DDX46: variants seen among roughly 807,000 people sequenced by gnomAD.
DDX46 encodes the protein DEAD-box helicase 46.
Under a neutral mutation model 134.9 loss-of-function variants are expected in DDX46, and 30 were observed. The observed-to-expected ratio is 0.22, with a 90% CI of 0.17 to 0.30. The LOEUF (loss-of-function observed/expected upper bound fraction) is 0.30, where lower values mean the gene tolerates loss of function less well. DDX46 is among the 10% of genes least tolerant of loss of function. The pLI is 1.00. For synonymous variants in DDX46, 415 were observed against 404.1 expected, an observed-to-expected ratio of 1.03 and a Z score of -0.32; for missense variants, 622 against 1,248.7, an observed-to-expected ratio of 0.50 and a Z score of 7.56.
At chr5:134,789,379 A>T (rs1198569118) in intron 12 of DDX46, 1 of 152,224 alleles carries the variant, frequency 6.6e-6, no homozygotes, top group Non-Finnish European at 1.5e-5. Context: ...TTTTTTGAAG[A>T]AAATGCTCTC....
rs1015156258 is a variant in DDX46, at chr5:134,813,867, C to T, written c.2436+2022C>T. Reference sequence around the variant, plus strand: ...CTGAAATTCCTGGGCTCAAGTGATCCTCCTGCCTCAGCCTCCCAAAGTGAT... The same window carrying T: ...CTGAAATTCCTGGGCTCAAGTGATCTTCCTGCCTCAGCCTCCCAAAGTGAT... On this transcript the variant is annotated intron_variant, in intron 18 of 22. Transcript: ENST00000452510. 3.9e-5 allele frequency among the ~76,000 whole-genome samples: 6 copies of T among 152,048 alleles called. 1 individual carries two copies. The highest frequency in any genetic ancestry group is 6.6e-5 in the Admixed American group (1 of 15,254).
chr5:134,764,200 C>T (rs1468856205), intron 2 of DDX46, 108 bp downstream of exon 2: 4 of 1,084,742 alleles, frequency 3.7e-6, no homozygotes, highest in African/African-American at 3.2e-5. Flanking sequence ...GGCCCAATTG[C>T]AGGCCCTTTT....
At chr5:134,808,320 C>G (rs1755048512) in intron 16 of DDX46, among the ~76,000 whole-genome samples, 1 of 152,170 alleles carries the variant, frequency 6.6e-6, no homozygotes. Context: ...AGTAGCCTAG[C>G]CTACCTTTAG....
intron 3 of DDX46, among the ~76,000 whole-genome samples, chr5:134,767,341 T>C (rs562575239): frequency 1.6e-4 from 24 of 152,208 alleles, no homozygotes; most frequent in African/African-American, 5.8e-4. Context: ...TTGTAGAAAC[T>C]CTGTCATTTT....
intron 1 of DDX46, among the ~76,000 whole-genome samples, chr5:134,761,349 G>A (rs1043484870): frequency 1.3e-5 from 2 of 152,026 alleles, no homozygotes; most frequent in East Asian, 1.9e-4. Context: ...TTATTGTATC[G>A]AATGAGAGCA....
intron 15 of DDX46, among the ~76,000 whole-genome samples, chr5:134,800,530 C>T (rs1013899956): frequency 3.3e-5 from 5 of 152,070 alleles, no homozygotes; most frequent in East Asian, 1.9e-4. Flanking sequence ...AGCCACATCC[C>T]GCAGAATATA....
chr5:134,804,748 T>C, intron 15 of DDX46: 1 of 279,964 alleles, frequency 3.6e-6, no homozygotes, highest in South Asian at 3.5e-5. Flanking sequence ...TTTAGTCTTT[T>C]AATTTTTATT....
At chr5:134,762,853 G>A (rs999427979) in intron 1 of DDX46, among the ~76,000 whole-genome samples, 1 of 152,078 alleles carries the variant, frequency 6.6e-6, no homozygotes, top group African/African-American at 2.4e-5. Flanking sequence ...TCAGGAGATC[G>A]AGACCATCCT....
chr5:134,816,611 G>A lies in DDX46; in HGVS notation c.2613+5G>A. ...TTGGGCATCGAGTCTCAGGTATTAA[G>A]TAATTTGTTCCAAGTCTCAGTCAAT... On this transcript the variant is annotated splice_donor_5th_base_variant and intron_variant, in intron 19 of 22. Coordinates refer to ENST00000452510, the MANE Select transcript of DDX46 (RefSeq NM_001300860.2). The A allele has an allele frequency of 6.2e-7, 1 of 1,610,868 alleles. No individual in the cohort carries two copies. The highest frequency in any genetic ancestry group is 8.5e-7 in the Non-Finnish European group (1 of 1,179,460).
intron 5 of DDX46, among the ~76,000 whole-genome samples, chr5:134,774,400 A>T (rs960884216): frequency 6.6e-6 from 1 of 152,272 alleles, no homozygotes; most frequent in African/African-American, 2.4e-5. Context: ...TGTTATCGTG[A>T]GTAATGCTCC....
chr5:134,778,251 C>T (rs1329038307), intron 6 of DDX46, among the ~76,000 whole-genome samples: 1 of 152,068 alleles, frequency 6.6e-6, no homozygotes, highest in Non-Finnish European at 1.5e-5. Context: ...TTCCTGGCCT[C>T]AAGTGAACCA....
At chr5:134,825,132 T>A (rs1161017570) in intron 21 of DDX46, among the ~76,000 whole-genome samples, 1 of 152,202 alleles carries the variant, frequency 6.6e-6, no homozygotes, top group Non-Finnish European at 1.5e-5. Context: ...AAAATTGATT[T>A]TCCAGTTAAA....
intron 3 of DDX46, among the ~76,000 whole-genome samples, chr5:134,769,044 A>G (rs570913273): frequency 1.3e-5 from 2 of 152,218 alleles, no homozygotes; most frequent in East Asian, 3.9e-4. Flanking sequence ...GCCGACAGAG[A>G]GAGACTCCGT....
At chr5:134,759,101 G>A (rs1753295711) in intron 1 of DDX46, 146 bp downstream of exon 1, 2 of 1,297,626 alleles carry the variant, frequency 1.5e-6, no homozygotes. Flanking sequence ...AGGGCTGGGG[G>A]ACCTCGGCTG....
rs192430201 is a variant in DDX46, at chr5:134,799,071, A to G, written c.1954+2921A>G. Reference sequence around the variant, plus strand: ...AGGATGTAGGTAATATGGGCTTACTATGCCATTTTATATAAGGGACTTGAG... The same window carrying G: ...AGGATGTAGGTAATATGGGCTTACTGTGCCATTTTATATAAGGGACTTGAG... On this transcript the variant is annotated intron_variant, in intron 15 of 22. Transcript: ENST00000452510. Among the ~76,000 whole-genome samples, 503 of 152,222 alleles carry G rather than the reference A, an allele frequency of 3.3e-3. 4 individuals carry two copies. Among genetic ancestry groups the G allele is most frequent in the Middle Eastern group, 0.027 (8 of 294 alleles).
At chr5:134,769,288 T>C (rs939083594) in intron 3 of DDX46, among the ~76,000 whole-genome samples, 2 of 151,674 alleles carry the variant, frequency 1.3e-5, no homozygotes, top group Non-Finnish European at 2.9e-5. Flanking sequence ...TGCTTCCCAT[T>C]AGTGTCATGG....
intron 19 of DDX46, chr5:134,816,807 C>T (rs1377808571): frequency 1.8e-6 from 1 of 544,546 alleles, no homozygotes; most frequent in East Asian, 3.4e-5. Context: ...TGGGCCTATT[C>T]TGGAATTTCT....
At chr5:134,765,859 G>A (rs1263801130) in intron 2 of DDX46, among the ~76,000 whole-genome samples, 1 of 152,220 alleles carries the variant, frequency 6.6e-6, no homozygotes, top group South Asian at 2.1e-4. Context: ...TTCACATTTT[G>A]TGGTCCTAGG....
chr5:134,821,335 C>G (rs1755442914), intron 21 of DDX46, among the ~76,000 whole-genome samples: 1 of 151,904 alleles, frequency 6.6e-6, no homozygotes, highest in African/African-American at 2.4e-5. Flanking sequence ...AGCCACTGCG[C>G]CCGGCCAATT....
Sources: gnomAD v4.1 joint callset for allele counts (sites outside exome capture counted in the v4.1 genomes callset) on GRCh38, gnomAD v4.1.1 for gene constraint, MANE v1.5 for transcripts, NCBI Gene and HGNC (gene_info 2026-07-23, HGNC 2026-07-21) for gene names.